The following SH2D4B variants were observed in gnomAD, a reference collection of about 807,000 sequenced individuals.
SH2D4B encodes SH2 domain containing 4B, also known as SH2 domain-containing protein 4B.
SH2D4B carries 45 observed loss-of-function variants against 61.5 expected under a neutral mutation model. The observed-to-expected ratio is 0.73, with a 90% CI of 0.58 to 0.94. The LOEUF is 0.94. Ranked by LOEUF, SH2D4B falls within the 40% of genes least tolerant of loss-of-function variation. The pLI is 0.00. For synonymous variants in SH2D4B, 224 were observed against 220.4 expected (o/e 1.02, Z -0.14); for missense variants, 572 against 574.2 (o/e 1.00, Z 0.04).
At chr10:80,632,024 A>C (rs1842838738) in intron 6 of SH2D4B, among the ~76,000 whole-genome samples, 1 of 152,112 alleles carries the variant, frequency 6.6e-6, no homozygotes, top group African/African-American at 2.4e-5. Flanking sequence ...TGCAGCCTTG[A>C]ACTTCTGGGC....
rs918066114 is a variant in SH2D4B, at chr10:80,598,183, G to T, written c.644-5396G>T. The stretch of plus-strand genomic sequence containing the variant: ...TCAGTTTCCTCATTTGTAAAATGGG[G>T]TTAATCATGTTGAGCTGAGGCCTGT... On this transcript the variant is annotated intron_variant, in intron 4 of 7. Transcript: ENST00000646907. Among the ~76,000 whole-genome samples the T allele has an allele frequency of 2.6e-5, 4 of 152,160 alleles. No individual in the cohort carries two copies. The East Asian group carries it at 7.7e-4, about 29-fold the overall frequency.
In SH2D4B at chr10:80,538,138, G is replaced by T. The variant is rs1841529090; in HGVS notation, c.-194G>T. The T allele has an allele frequency of 1.3e-5, 5 of 383,690 alleles. No individual in the cohort carries two copies. The South Asian group carries it at 5.5e-4, about 42-fold the overall frequency. 23.8% of individuals were successfully genotyped at this position (383,690 alleles called of 1,614,324 possible). ...TGGGTCCTGTTGCCTGGCCTCTTTT[G>T]CTGTCCTGGGTAGAGGAGATGAGTT... On this transcript the variant is annotated 5_prime_UTR_variant, in exon 1 of 8. Transcript: ENST00000646907. This position sits in a 1 kb window ranked among gnomAD's most constrained non-coding sequence, Gnocchi z 4.8.
At chr10:80,555,171 A>C (rs1350329832) in intron 1 of SH2D4B, among the ~76,000 whole-genome samples, 1 of 152,166 alleles carries the variant, frequency 6.6e-6, no homozygotes, top group African/African-American at 2.4e-5. Flanking sequence ...TTCCGCTATG[A>C]GAGATGCCAG....
Position 80,610,107 on chromosome 10 carries a change from C to G in SH2D4B, c.988+556C>G, listed in dbSNP as rs563399168. On this transcript the variant is annotated intron_variant, in intron 6 of 7. Transcript: ENST00000646907. ...AGCCATCCTCTTTCCCATCTCAGAC[C>G]TTTTGTGCTTGCCGTGGCTCTGCTC... Among the ~76,000 whole-genome samples, 7 of 152,266 alleles carry G rather than the reference C, an allele frequency of 4.6e-5. No individual in the cohort carries two copies. In the East Asian group the frequency reaches 1.4e-3, roughly 29 times the overall value.
intron 3 of SH2D4B, among the ~76,000 whole-genome samples, chr10:80,573,221 C>T (rs1271243558): frequency 5.5e-4 from 79 of 142,932 alleles, no homozygotes; most frequent in African/African-American, 1.9e-3. Flanking sequence ...CTCCTGACCT[C>T]GTGATCCGCC....
intron 4 of SH2D4B, among the ~76,000 whole-genome samples, chr10:80,596,376 C>A (rs1842385654): frequency 6.6e-6 from 1 of 152,242 alleles, no homozygotes; most frequent in African/African-American, 2.4e-5. Context: ...AGTCATTGCT[C>A]ATGAGCCGAG....
In SH2D4B at chr10:80,582,429, A is replaced by C. The variant is rs540731679; in HGVS notation, c.496-6201A>C. Among the ~76,000 whole-genome samples, 31 of 152,256 alleles carry C rather than the reference A, an allele frequency of 2.0e-4. No homozygotes were observed. The Middle Eastern group carries it at 0.014, about 67-fold the overall frequency. On this transcript the variant is annotated intron_variant, in intron 3 of 7. Coordinates refer to ENST00000646907, the MANE Select transcript of SH2D4B (RefSeq NM_001388272.1). ...TATTCTGGTGACCCAATCTCATGTG[A>C]TCCTCTGCTAAAAATACTGTGCTGG...
chr10:80,562,032 C>CACAT (rs1841907134), intron 1 of SH2D4B, among the ~76,000 whole-genome samples: 2 of 84,928 alleles, frequency 2.4e-5, no homozygotes, highest in African/African-American at 3.4e-5. Context: ...TCCAATTACA[C>CACAT]ACACACACAC....
chr10:80,588,479 A>G lies in SH2D4B; in HGVS notation c.496-151A>G, dbSNP rs1395917669. The G allele has an allele frequency of 7.5e-6, 7 of 936,466 alleles. No homozygotes were observed. The African/African-American group carries it at 9.9e-5, about 13-fold the overall frequency. The allele number at this position is 936,466 out of a possible 1,614,324, so 58.0% of individuals were successfully genotyped here. ...ACAACTGTCTATGGGAGTACTGGGTAATTTCAATTTCATACATGTAGGGAC... is the reference window on the plus strand; with the variant it reads ...ACAACTGTCTATGGGAGTACTGGGTGATTTCAATTTCATACATGTAGGGAC... On this transcript the variant is annotated intron_variant, in intron 3 of 7. Transcript: ENST00000646907.
At chr10:80,630,744 T>A (rs976809539) in intron 6 of SH2D4B, among the ~76,000 whole-genome samples, 58 of 151,918 alleles carry the variant, frequency 3.8e-4, no homozygotes, top group African/African-American at 1.4e-3. Flanking sequence ...GAGAAGAGGA[T>A]GGGGCTTTCA....
chr10:80,564,360 A>C (rs935836704), intron 1 of SH2D4B, among the ~76,000 whole-genome samples: 1 of 152,202 alleles, frequency 6.6e-6, no homozygotes, highest in East Asian at 1.9e-4. Context: ...TCCAGCGTCC[A>C]ATTATCAGCC....
chr10:80,539,103 A>C lies in SH2D4B; in HGVS notation c.184+588A>C, dbSNP rs1841545251. On this transcript the variant is annotated intron_variant, in intron 1 of 7. Transcript: ENST00000646907. This position sits in a 1 kb window ranked among gnomAD's most constrained non-coding sequence, Gnocchi z 4.9. ...TGAATGACCATCCCCAAATGGTCGTAGCAACTGCAGATGAGAAGCAAGGGC... is the reference window on the plus strand; with the variant it reads ...TGAATGACCATCCCCAAATGGTCGTCGCAACTGCAGATGAGAAGCAAGGGC... 6.6e-6 allele frequency among the ~76,000 whole-genome samples: 1 copy of C among 152,246 alleles called. No homozygotes were observed. Among genetic ancestry groups the C allele is most frequent in the South Asian group, 2.1e-4 (1 of 4,836 alleles).
At chr10:80,628,575 C>A (rs1842791128) in intron 6 of SH2D4B, among the ~76,000 whole-genome samples, 1 of 152,190 alleles carries the variant, frequency 6.6e-6, no homozygotes, top group African/African-American at 2.4e-5. Flanking sequence ...AACATAGATT[C>A]TCCTTGCAAG....
At chr10:80,609,651 C>G (rs1427929028) in intron 6 of SH2D4B, 100 bp downstream of exon 6, 3 of 1,554,324 alleles carry the variant, frequency 1.9e-6, no homozygotes, top group Non-Finnish European at 2.6e-6. Flanking sequence ...AATCAGGGGG[C>G]AGAGGACTTT....
chr10:80,585,613 C>A (rs1271931073), intron 3 of SH2D4B, among the ~76,000 whole-genome samples: 1 of 152,228 alleles, frequency 6.6e-6, no homozygotes, highest in Admixed American at 6.5e-5. Context: ...CCGCGCCCAG[C>A]CAGGATGGCA....
rs575824321 is a variant in SH2D4B at position 80,538,245 on chromosome 10, G to A, written c.-87G>A. On this transcript the variant is annotated 5_prime_UTR_variant, in exon 1 of 8. Coordinates refer to ENST00000646907, the MANE Select transcript of SH2D4B (RefSeq NM_001388272.1). This position sits in a 1 kb window ranked among gnomAD's most constrained non-coding sequence, Gnocchi z 4.8. Reference sequence around the variant, plus strand: ...AGAGTGGCCCCGGATTGAGCAGTCCGTAGTGCAGAGCAGCCCCTCGGGCGT... The same window carrying A: ...AGAGTGGCCCCGGATTGAGCAGTCCATAGTGCAGAGCAGCCCCTCGGGCGT... The A allele has an allele frequency of 2.7e-4, 310 of 1,136,210 alleles. No individual in the cohort carries two copies. The highest frequency in any genetic ancestry group is 7.1e-4 in the African/African-American group (44 of 62,012). The allele number at this position is 1,136,210 out of a possible 1,614,324, so 70.4% of individuals were successfully genotyped here.
At chr10:80,627,657 C>A (rs377257925) in intron 6 of SH2D4B, among the ~76,000 whole-genome samples, 1 of 111,284 alleles carries the variant, frequency 9.0e-6, no homozygotes. Flanking sequence ...AAATTCCCAT[C>A]AATCTTCATT....
At chr10:80,566,203 A>T (rs1841966831) in intron 1 of SH2D4B, among the ~76,000 whole-genome samples, 2 of 151,274 alleles carry the variant, frequency 1.3e-5, no homozygotes, top group Admixed American at 6.6e-5. Context: ...ACGTCTGCCT[A>T]CATCTTCTTT....
chr10:80,632,194 G>A (rs561509320), intron 6 of SH2D4B, among the ~76,000 whole-genome samples: 2 of 152,128 alleles, frequency 1.3e-5, no homozygotes, highest in Admixed American at 6.5e-5. Context: ...GGGCTCAGGT[G>A]ATCCTCCCAC....
Sources: gnomAD v4.1 joint callset for allele counts (sites outside exome capture counted in the v4.1 genomes callset) on GRCh38, gnomAD v4.1.1 for gene constraint, Gnocchi (gnomAD v3.1) non-coding constraint, MANE v1.5 for transcripts, NCBI Gene and HGNC (gene_info 2026-07-23, HGNC 2026-07-21) for gene names.